The following FAM153A variants were observed in gnomAD, a reference collection of about 807,000 sequenced individuals.
FAM153A encodes family with sequence similarity 153 member A, also known as protein FAM153A.
FAM153A carries 12 observed loss-of-function variants against 48.1 expected under a neutral mutation model. The observed-to-expected ratio is 0.25, with a 90% CI of 0.16 to 0.40. The LOEUF (loss-of-function observed/expected upper bound fraction) is 0.40. Ranked by LOEUF, FAM153A falls within the 10% of genes least tolerant of loss-of-function variation. The pLI is 1.00. For missense variants in FAM153A, 111 were observed against 345.8 expected, an observed-to-expected ratio of 0.32 and a Z score of 5.38; for synonymous variants, 36 against 118.2, an observed-to-expected ratio of 0.30 and a Z score of 4.51.
the FAM153A span, among the ~76,000 whole-genome samples, chr5:177,697,898 T>C: frequency 6.6e-6 from 1 of 150,948 alleles, no homozygotes; most frequent in Non-Finnish European, 1.5e-5. Context: ...TCTTAGGACC[T>C]GAGTCCTTAC....
intron 10 of FAM153A, 97 bp from the exon 13 acceptor site, chr5:177,737,209 G>T: frequency 6.4e-7 from 1 of 1,566,210 alleles, no homozygotes. Flanking sequence ...GTGTGGAAAG[G>T]TGTGTTCACA....
chr5:177,713,688 G>A (rs1248343578), intron 26 of FAM153A: 1 of 151,878 alleles, frequency 6.6e-6, no homozygotes, highest in Non-Finnish European at 1.5e-5. Context: ...TTACAGGCGT[G>A]AGCCACTTTG....
intron 25 of FAM153A, among the ~76,000 whole-genome samples, chr5:177,715,173 A>G (rs1759420542): frequency 1.3e-5 from 2 of 151,654 alleles, no homozygotes; most frequent in South Asian, 2.1e-4. Flanking sequence ...TAGTAGAGAC[A>G]GGGTTTCACC....
upstream of FAM153A, chr5:177,782,743 C>G (rs1769809972): frequency 2.0e-5 from 1 of 48,990 alleles, no homozygotes; most frequent in Non-Finnish European, 4.0e-5. Flanking sequence ...TCCGCGATAC[C>G]AAGTCTGCGA....
chr5:177,760,235 C>CAATTTTTT (rs1768192153), intron 1 of FAM153A, among the ~76,000 whole-genome samples: 1 of 96,226 alleles, frequency 1.0e-5, no homozygotes, highest in Admixed American at 1.2e-4. Flanking sequence ...TGGGAAAGAC[C>CAATTTTTT]TTTTTTTTTT....
downstream of FAM153A, chr5:177,722,213 T>G (rs1761190145): frequency 8.3e-6 from 1 of 120,298 alleles, no homozygotes; most frequent in Non-Finnish European, 1.7e-5. Flanking sequence ...CACCGCAACC[T>G]CCGCCTCCTG....
chr5:177,709,131 A>G (rs1561848072), downstream of FAM153A, among the ~76,000 whole-genome samples: 5 of 117,564 alleles, frequency 4.3e-5, no homozygotes, highest in East Asian at 2.2e-4. Context: ...AAAAAAAAAA[A>G]AGAAAGAAAA....
chr5:177,737,764 C>T (rs1393341923), intron 10 of FAM153A, among the ~76,000 whole-genome samples: 1 of 151,686 alleles, frequency 6.6e-6, no homozygotes. Context: ...AGGTGATCCA[C>T]CCGTCTTGGC....
chr5:177,771,085 G>A (rs2127719858), intron 1 of FAM153A, among the ~76,000 whole-genome samples: 1 of 97,196 alleles, frequency 1.0e-5, no homozygotes, highest in African/African-American at 4.1e-5. Context: ...AACAGCATGT[G>A]GGCATGATTT....
upstream of FAM153A, chr5:177,783,002 C>T (rs1769832401): frequency 1.1e-5 from 1 of 95,178 alleles, no homozygotes; most frequent in Non-Finnish European, 2.2e-5. Context: ...GCCCGCCCCG[C>T]TCCTCCTTCC....
At chr5:177,702,891 GT>G in the FAM153A span, among the ~76,000 whole-genome samples, 5 of 152,036 alleles carry the variant, frequency 3.3e-5, no homozygotes, top group Non-Finnish European at 7.3e-5. Context: ...AAGCCTGAAT[GT>G]CTAAGCAGAA....
At chr5:177,708,945 A>T (rs1436078657), downstream of FAM153A, among the ~76,000 whole-genome samples, 2 of 151,138 alleles carry the variant, frequency 1.3e-5, no homozygotes, top group African/African-American at 2.5e-5. Context: ...ACACAAAAAA[A>T]TTAGACGGGA....
upstream of FAM153A, among the ~76,000 whole-genome samples, chr5:177,781,264 ATTTTTTTTTT>A (rs1303137176): frequency 3.1e-4 from 23 of 75,276 alleles, no homozygotes; most frequent in African/African-American, 1.0e-3. Context: ...ACGCCCGGCT[ATTTTTTTTTT>A]TTTTTTTTTT....
At chr5:177,707,678 G>A (rs540522458), downstream of FAM153A, among the ~76,000 whole-genome samples, 1 of 151,654 alleles carries the variant, frequency 6.6e-6, no homozygotes, top group South Asian at 2.1e-4. Flanking sequence ...TCCTACCTCA[G>A]CCTCCCGAGT....
At chr5:177,695,732 CCAT>C in the FAM153A span, among the ~76,000 whole-genome samples, 2 of 151,756 alleles carry the variant, frequency 1.3e-5, no homozygotes, top group Non-Finnish European at 2.9e-5. Context: ...GACAAAACCA[CCAT>C]CATCATCATG....
chr5:177,696,393 G>A, the FAM153A span, among the ~76,000 whole-genome samples: 7 of 150,490 alleles, frequency 4.7e-5, no homozygotes, highest in South Asian at 2.1e-4. Flanking sequence ...GGGCAGAGAC[G>A]CTCCTCACTT....
At chr5:177,751,474 G>A (rs533079271) in intron 1 of FAM153A, among the ~76,000 whole-genome samples, 1 of 108,880 alleles carries the variant, frequency 9.2e-6, no homozygotes, top group Non-Finnish European at 1.9e-5. Context: ...GCCACAAAGT[G>A]TTCAATTATT....
chr5:177,710,429 C>CT (rs1360264791), downstream of FAM153A, among the ~76,000 whole-genome samples: 1 of 151,478 alleles, frequency 6.6e-6, no homozygotes, highest in Non-Finnish European at 1.5e-5. Flanking sequence ...TTTTTAAAAT[C>CT]TTGTATATTG....
chr5:177,713,261 T>TTC (rs1554134982), intron 26 of FAM153A: 2 of 149,564 alleles, frequency 1.3e-5, no homozygotes, highest in Non-Finnish European at 3.0e-5. Context: ...TCTTTTCTTT[T>TTC]TTTTTTTTTT....
Sources: gnomAD v4.1 joint callset for allele counts (sites outside exome capture counted in the v4.1 genomes callset) on GRCh38, gnomAD v4.1.1 for gene constraint, MANE v1.5 for transcripts, NCBI Gene and HGNC (gene_info 2026-07-23, HGNC 2026-07-21) for gene names.